Variants in CTDP1 observed in about 807,000 individuals in gnomAD.
CTDP1 encodes RNA polymerase II subunit A C-terminal domain phosphatase.
A neutral mutation model predicts 91.8 loss-of-function variants in CTDP1; 47 were observed. The observed-to-expected ratio is 0.51, with a 90% CI of 0.41 to 0.65. The LOEUF (loss-of-function observed/expected upper bound fraction) is 0.65, where lower values mean the gene tolerates loss of function less well. CTDP1 is among the 30% of genes least tolerant of loss of function. The pLI is 0.00. For missense variants in CTDP1, 1,272 were observed against 1,373.7 expected (o/e 0.93, Z 1.17); for synonymous variants, 656 against 598.5 (o/e 1.10, Z -1.40).
Position 79,679,868 on chromosome 18 carries a change from G to C in CTDP1, c.-80G>C, listed in dbSNP as rs938883934. 2.4e-6 allele frequency: 3 copies of C among 1,267,166 alleles called. No individual in the cohort carries two copies. The highest frequency in any genetic ancestry group is 2.0e-6 in the Non-Finnish European group (2 of 977,626). The allele number at this position is 1,267,166 out of a possible 1,614,324, so 78.5% of individuals were successfully genotyped here. A position where few individuals can be genotyped will look rare whatever the true frequency, so the allele number is the denominator to read the frequency against. ...AGAGGAACTACAGCGTCGCCGCCTG[G>C]GTTGTGTCGCCGCGGTAGGCGCTGC... On this transcript the variant is annotated 5_prime_UTR_variant, in exon 1 of 13. Transcript: ENST00000613122.
At chr18:79,679,526 C>T (rs1336434847), upstream of CTDP1, 1 of 459,172 alleles carries the variant, frequency 2.2e-6, no homozygotes, top group Non-Finnish European at 4.4e-6. Context: ...CGTAGTCCCG[C>T]CATGCTCTGT....
intron 12 of CTDP1, among the ~76,000 whole-genome samples, chr18:79,744,594 A>G (rs1465424072): frequency 6.6e-6 from 1 of 152,216 alleles, no homozygotes; most frequent in East Asian, 1.9e-4. Context: ...AATTTAAACA[A>G]AGAATGCTTC....
chr18:79,676,888 C>T (rs1167452784), upstream of CTDP1, among the ~76,000 whole-genome samples: 1 of 152,146 alleles, frequency 6.6e-6, no homozygotes, highest in Non-Finnish European at 1.5e-5. Context: ...AGGTGGCACA[C>T]CTATTAAAGA....
chr18:79,730,695 C>T (rs560923924), intron 11 of CTDP1, among the ~76,000 whole-genome samples: 45 of 152,334 alleles, frequency 3.0e-4, no homozygotes, highest in Non-Finnish European at 5.7e-4. Flanking sequence ...CTCCTTGATT[C>T]TCTGTGAGTC....
chr18:79,753,601 G>T, intron 12 of CTDP1, 51 bp from the exon 13 acceptor site: 1 of 1,613,776 alleles, frequency 6.2e-7, no homozygotes, highest in South Asian at 1.1e-5. Context: ...GCGGTGACCC[G>T]GCGTTGTGCG....
chr18:79,685,805 T>C (rs1468298966), intron 1 of CTDP1, among the ~76,000 whole-genome samples: 1 of 152,204 alleles, frequency 6.6e-6, no homozygotes, highest in Non-Finnish European at 1.5e-5. Context: ...AATAAGGACA[T>C]TTCGTTTTCA....
intron 12 of CTDP1, among the ~76,000 whole-genome samples, 166 bp from the exon 13 acceptor site, chr18:79,753,486 C>CA (rs1010137138): frequency 6.6e-6 from 1 of 152,252 alleles, no homozygotes; most frequent in African/African-American, 2.4e-5. Context: ...GCTGTCCACA[C>CA]GTGTGTGACG....
chr18:79,746,669 T>A (rs2086889241), intron 12 of CTDP1, among the ~76,000 whole-genome samples: 1 of 152,154 alleles, frequency 6.6e-6, no homozygotes, highest in African/African-American at 2.4e-5. Context: ...TGGGCTGGAG[T>A]GCAGTGGCAC....
intron 1 of CTDP1, among the ~76,000 whole-genome samples, chr18:79,690,440 T>C (rs970964126): frequency 1.3e-5 from 2 of 152,176 alleles, no homozygotes; most frequent in African/African-American, 2.4e-5. Flanking sequence ...TGGGCTGAGC[T>C]CTTTGGTTGG....
At chr18:79,698,135 C>A in intron 4 of CTDP1, 147 bp downstream of exon 4, 1 of 1,221,004 alleles carries the variant, frequency 8.2e-7, no homozygotes, top group Non-Finnish European at 1.2e-6. Context: ...TGGGCGTGGG[C>A]CGTGTGTCTG....
intron 1 of CTDP1, 70 bp downstream of exon 1, chr18:79,680,331 C>G: frequency 8.4e-7 from 1 of 1,193,234 alleles, no homozygotes; most frequent in Non-Finnish European, 1.1e-6. Context: ...GACCCCCGGG[C>G]TGCTGCGTCC....
chr18:79,701,922 C>G (rs899697649), intron 4 of CTDP1, among the ~76,000 whole-genome samples: 1 of 152,174 alleles, frequency 6.6e-6, no homozygotes, highest in African/African-American at 2.4e-5. Flanking sequence ...GGATGAAACT[C>G]GAACAGATGA....
chr18:79,721,182 C>G (rs982377844), intron 10 of CTDP1, among the ~76,000 whole-genome samples: 1 of 152,340 alleles, frequency 6.6e-6, no homozygotes, highest in East Asian at 1.9e-4. Context: ...CTCACCACTG[C>G]GGTGATCCCA....
intron 6 of CTDP1, among the ~76,000 whole-genome samples, chr18:79,710,861 G>T (rs540127582): frequency 8.5e-5 from 13 of 152,162 alleles, no homozygotes; most frequent in Non-Finnish European, 1.3e-4. Context: ...CAGTATTTCT[G>T]TATTGATGTT....
intron 12 of CTDP1, among the ~76,000 whole-genome samples, chr18:79,744,389 C>T (rs2086838481): frequency 6.6e-6 from 1 of 152,158 alleles, no homozygotes; most frequent in South Asian, 2.1e-4. Flanking sequence ...TTACATTAGA[C>T]AGTATTCACT....
intron 12 of CTDP1, among the ~76,000 whole-genome samples, chr18:79,739,177 G>A (rs2086725089): frequency 6.6e-6 from 1 of 152,238 alleles, no homozygotes; most frequent in Non-Finnish European, 1.5e-5. Flanking sequence ...TATGAACATA[G>A]GTGGTTTAAC....
At chr18:79,712,224 G>A (rs141567293) in intron 6 of CTDP1, among the ~76,000 whole-genome samples, 2 of 152,144 alleles carry the variant, frequency 1.3e-5, no homozygotes, top group African/African-American at 4.8e-5. Context: ...TGGGTACTGT[G>A]GTTTGCATGG....
chr18:79,702,004 C>T (rs1007802854), intron 4 of CTDP1, among the ~76,000 whole-genome samples: 20 of 152,144 alleles, frequency 1.3e-4, no homozygotes, highest in Admixed American at 1.2e-3. Flanking sequence ...GAAGATGCTG[C>T]GAATGTTGTT....
chr18:79,696,900 T>C (rs1003601884), intron 3 of CTDP1, among the ~76,000 whole-genome samples: 1 of 152,158 alleles, frequency 6.6e-6, no homozygotes, highest in Non-Finnish European at 1.5e-5. Context: ...AAAAACTAGT[T>C]TGTGATCTTA....
Sources: allele counts gnomAD v4.1 joint callset (sites outside exome capture counted in the v4.1 genomes callset), GRCh38; gene constraint gnomAD v4.1.1; transcripts MANE v1.5; gene names NCBI Gene and HGNC (gene_info 2026-07-23, HGNC 2026-07-21).